SMIM13: variants seen among roughly 807,000 people sequenced by gnomAD.
SMIM13 encodes small integral membrane protein 13.
A neutral mutation model predicts 5.9 loss-of-function variants in SMIM13; 3 were observed. The ratio of observed to expected loss-of-function variants is 0.51; its 90% confidence interval spans 0.23 to 1.31. The LOEUF (loss-of-function observed/expected upper bound fraction) is 1.31, where lower values mean the gene tolerates loss of function less well. SMIM13 is among the 40% of genes most tolerant of loss of function. The probability of loss-of-function intolerance (pLI) is 0.18; values close to 1 mark genes in which losing one functional copy is unlikely to be tolerated. For synonymous variants in SMIM13, 55 were observed against 46.0 expected (o/e 1.19, Z -0.79); for missense variants, 85 against 109.9 (o/e 0.77, Z 1.01).
At chr6:11,096,286 A>C (rs1757921588) in intron 1 of SMIM13, among the ~76,000 whole-genome samples, 1 of 152,144 alleles carries the variant, frequency 6.6e-6, no homozygotes, top group Non-Finnish European at 1.5e-5. Context: ...GATCCCTCCT[A>C]TGTGCATTTC....
intron 1 of SMIM13, among the ~76,000 whole-genome samples, chr6:11,096,681 C>A (rs1034052841): frequency 6.7e-6 from 1 of 149,906 alleles, no homozygotes. Flanking sequence ...CATTTCTTTT[C>A]TTTGTTTTGC....
At position 11,094,352 on chromosome 6, in the gene SMIM13, G is replaced by A. The variant is rs1757893712; in HGVS notation, c.39G>A (p.Val13=). 2.0e-6 allele frequency: 3 copies of A among 1,537,086 alleles called. No individual in the cohort carries two copies. The highest frequency in any genetic ancestry group is 2.7e-5 in the African/African-American group (2 of 73,010). The part of the protein sequence containing the change: ...HSVGLTLLVF[V]ATLLIVLLLM... ...TCGGGCTGACTCTGCTTGTGTTCGT[G>A]GCCACGCTGCTGATCGTCCTGCTGC... Residue 13 remains valine (V), a synonymous_variant, in exon 1 of 2, where the codon GTG becomes GTA. Transcript: ENST00000416247.
intron 1 of SMIM13, among the ~76,000 whole-genome samples, chr6:11,095,968 C>T (rs1434322195): frequency 6.6e-6 from 1 of 152,192 alleles, no homozygotes; most frequent in East Asian, 1.9e-4. Context: ...CCTACCATAC[C>T]TTCACTAGGA....
chr6:11,130,253 TAA>T lies in SMIM13; in HGVS notation c.77-4135_77-4134del, dbSNP rs35012412. On this transcript the variant is annotated intron_variant, in intron 1 of 1. Coordinates refer to ENST00000416247, the MANE Select transcript of SMIM13 (RefSeq NM_001135575.2). ...CAACCTATCATTACAGTAGTCATTGTAAAAAAAAAAAAAAAACAACAACAACA... is the reference window on the plus strand; with the variant it reads ...CAACCTATCATTACAGTAGTCATTGTAAAAAAAAAAAAAACAACAACAACA... Among the ~76,000 whole-genome samples the T allele has an allele frequency of 4.9e-4, 69 of 140,158 alleles. No individual in the cohort carries two copies. In the East Asian group the frequency reaches 0.011, roughly 23 times the overall value. 91.9% of individuals were successfully genotyped at this position (140,158 alleles called of 152,430 possible). A position where few individuals can be genotyped will look rare whatever the true frequency, so the allele number is the denominator to read the frequency against.
At chr6:11,124,644 AG>A (rs1758352833) in intron 1 of SMIM13, among the ~76,000 whole-genome samples, 1 of 152,170 alleles carries the variant, frequency 6.6e-6, no homozygotes, top group Non-Finnish European at 1.5e-5. Flanking sequence ...GCACTGTACA[AG>A]GGTTCCTTTT....
chr6:11,111,041 G>A (rs1187637499), intron 1 of SMIM13, among the ~76,000 whole-genome samples: 4 of 152,280 alleles, frequency 2.6e-5, no homozygotes, highest in East Asian at 3.9e-4. Context: ...TGTCTATCCC[G>A]GCAGTGAGCC....
At chr6:11,095,262 A>G (rs940665794) in intron 1 of SMIM13, among the ~76,000 whole-genome samples, 2 of 152,252 alleles carry the variant, frequency 1.3e-5, no homozygotes, top group Non-Finnish European at 2.9e-5. Flanking sequence ...CGATAAATGT[A>G]CAAATTAATA....
intron 1 of SMIM13, chr6:11,102,969 C>T (rs1406507754): frequency 1.3e-5 from 2 of 152,158 alleles, no homozygotes; most frequent in Non-Finnish European, 2.9e-5. Flanking sequence ...CTTGGTAGGC[C>T]CTTGACTTGG....
chr6:11,122,601 TA>T (rs1438953734), intron 1 of SMIM13, among the ~76,000 whole-genome samples: 2 of 152,110 alleles, frequency 1.3e-5, no homozygotes, highest in Non-Finnish European at 2.9e-5. Flanking sequence ...AGGTCAGGCC[TA>T]TCTTCTTGTG....
chr6:11,102,520 G>C (rs1561751729), intron 1 of SMIM13: 1 of 152,200 alleles, frequency 6.6e-6, no homozygotes, highest in Non-Finnish European at 1.5e-5. Flanking sequence ...TTGAGCAAGG[G>C]TGATTCATGA....
chr6:11,112,327 C>T (rs1758179551), intron 1 of SMIM13, among the ~76,000 whole-genome samples: 1 of 152,078 alleles, frequency 6.6e-6, no homozygotes, highest in Non-Finnish European at 1.5e-5. Flanking sequence ...TCTTGGCTCA[C>T]TGCAACCTCC....
rs180715443 is a variant in SMIM13, at chr6:11,106,386, C to G, written c.76+11997C>G. 3.8e-4 allele frequency among the ~76,000 whole-genome samples: 58 copies of G among 152,368 alleles called. 1 individual carries two copies. Among genetic ancestry groups the G allele is most frequent in the African/African-American group, 1.2e-3 (50 of 41,586 alleles). ...TTACTGATGGAGAGGGCTTCCCCGT[C>G]TGGGGATTATTTATAGTGCACAAAG... is the stretch of plus-strand genomic sequence containing the variant. On this transcript the variant is annotated intron_variant, in intron 1 of 1. Transcript: ENST00000416247.
intron 1 of SMIM13, chr6:11,104,341 G>A: frequency 6.4e-7 from 1 of 1,551,706 alleles, no homozygotes; most frequent in Non-Finnish European, 8.7e-7. Flanking sequence ...AAGATGTCTG[G>A]GGTTACATAG....
chr6:11,110,003 C>T (rs1450083007), intron 1 of SMIM13, among the ~76,000 whole-genome samples: 1 of 152,192 alleles, frequency 6.6e-6, no homozygotes, highest in East Asian at 1.9e-4. Context: ...TCTAGGGGTT[C>T]CAGAATGAAC....
chr6:11,102,767 A>G (rs1454104960), intron 1 of SMIM13: 1 of 152,224 alleles, frequency 6.6e-6, no homozygotes, highest in Non-Finnish European at 1.5e-5. Flanking sequence ...ACCAGCAGCA[A>G]ATCCAATGGG....
At chr6:11,109,924 A>T (rs1758143075) in intron 1 of SMIM13, among the ~76,000 whole-genome samples, 1 of 152,090 alleles carries the variant, frequency 6.6e-6, no homozygotes, top group South Asian at 2.1e-4. Context: ...CTTACAGCAG[A>T]CCAGAGTGGG....
At chr6:11,109,189 C>T (rs962513282) in intron 1 of SMIM13, among the ~76,000 whole-genome samples, 1 of 152,242 alleles carries the variant, frequency 6.6e-6, no homozygotes, top group Non-Finnish European at 1.5e-5. Flanking sequence ...CCTAGTATGA[C>T]TGAGAGGTCC....
chr6:11,117,157 A>ATTTTTTTTTTTTTTTTTTTT, intron 1 of SMIM13, among the ~76,000 whole-genome samples: 1 of 116,932 alleles, frequency 8.6e-6, no homozygotes, highest in South Asian at 2.8e-4. Flanking sequence ...CGCCCGGCTA[A>ATTTTTTTTTTTTTTTTTTTT]TTTTTGTATT....
chr6:11,105,624 G>GT (rs1758073898), intron 1 of SMIM13: 1 of 294,832 alleles, frequency 3.4e-6, no homozygotes, highest in Admixed American at 4.8e-5. Flanking sequence ...CTCCAGTACT[G>GT]TAATGGCTGT....
Sources: gnomAD v4.1 joint callset for allele counts (sites outside exome capture counted in the v4.1 genomes callset) on GRCh38, gnomAD v4.1.1 for gene constraint, MANE v1.5 for transcripts, NCBI Gene and HGNC (gene_info 2026-07-23, HGNC 2026-07-21) for gene names.